The following CCDC157 variants were observed in gnomAD, a reference collection of about 807,000 sequenced individuals.
The protein encoded by CCDC157 is coiled-coil domain containing 157.
Under a neutral mutation model 70.9 loss-of-function variants are expected in CCDC157, and 60 were observed. The observed-to-expected ratio is 0.85, with a 90% CI of 0.69 to 1.05. The LOEUF is 1.05. Ranked by LOEUF, CCDC157 falls within the 50% of genes least tolerant of loss-of-function variation. The pLI, the probability that CCDC157 is intolerant of heterozygous loss-of-function variation, is 0.00. For synonymous variants in CCDC157, 373 were observed against 422.4 expected, an observed-to-expected ratio of 0.88 and a Z score of 1.43; for missense variants, 943 against 984.2, an observed-to-expected ratio of 0.96 and a Z score of 0.56.
intron 9 of CCDC157, 131 bp from the exon 10 acceptor site, chr22:30,375,348 G>T (rs1933274167): frequency 1.3e-6 from 1 of 779,500 alleles, no homozygotes; most frequent in Non-Finnish European, 2.1e-6. Context: ...GGACAGGGAA[G>T]GGGGAATAAG....
rs1933394974 is a variant in CCDC157 at position 30,376,719 on chromosome 22, C to T, written c.2233C>T (p.His745Tyr). The T allele has an allele frequency of 1.2e-6, 2 of 1,612,950 alleles. No homozygotes were observed. The highest frequency in any genetic ancestry group is 1.7e-6 in the Non-Finnish European group (2 of 1,179,836). ...SPGRGQASSAHQPQERPM is the reference protein window; with the variant it reads ...SPGRGQASSAYQPQERPM ...TGGCCGGGGACAGGCCAGCTCTGCACACCAGCCCCAGGAGCGGCCCATGTA... is the reference window on the plus strand; with the variant it reads ...TGGCCGGGGACAGGCCAGCTCTGCATACCAGCCCCAGGAGCGGCCCATGTA... Residue 745 changes from histidine to tyrosine, a missense_variant, in exon 12 of 12, where the codon CAC becomes TAC. Physicochemically the swap from His to Tyr is moderately conservative, Grantham distance 83 (BLOSUM62 2). Coordinates refer to ENST00000338306, the MANE Select transcript of CCDC157 (RefSeq NM_001017437.5).
rs537517437 is a variant in CCDC157 at position 30,378,162 on chromosome 22, G to A, written c.*1417G>A. 2 of 470,992 alleles carry A rather than the reference G, an allele frequency of 4.2e-6. No individual in the cohort carries two copies. Among genetic ancestry groups the A allele is most frequent in the Non-Finnish European group, 8.8e-6 (2 of 226,964 alleles). The allele number at this position is 470,992 out of a possible 1,614,324, so 29.2% of individuals were successfully genotyped here. ...CTCCATCTTCAAGTCAACAACAGAG[G>A]ATTTCTCATGTGCTGAATCCCCCAC... On this transcript the variant is annotated 3_prime_UTR_variant, in exon 12 of 12. Transcript: ENST00000338306.
rs757047865 is a variant in CCDC157, at chr22:30,372,262, C to T, written c.1311C>T (p.Val437=). The change falls in exon 7 of 12, where the codon GTC becomes GTT. Residue 437 remains valine, a synonymous_variant. Transcript: ENST00000338306. ...AGCTGGATAAGGAGAAGGCCCGTGT[C>T]GACAGCATGGTCCGCCACCAGGAGG... ...STELDKEKAR[V]DSMVRHQESL... 10 of 1,583,238 alleles carry T rather than the reference C, an allele frequency of 6.3e-6. No individual in the cohort carries two copies. The highest frequency in any genetic ancestry group is 2.3e-5 in the East Asian group (1 of 44,162).
chr22:30,375,036 G>GC (rs1933249784), intron 9 of CCDC157: 1 of 307,312 alleles, frequency 3.3e-6, no homozygotes, highest in Non-Finnish European at 6.2e-6. Context: ...TCTGCTCACT[G>GC]CAACCTCCAC....
chr22:30,358,642 G>A (rs1932111899), intron 1 of CCDC157, among the ~76,000 whole-genome samples: 1 of 152,250 alleles, frequency 6.6e-6, no homozygotes. Flanking sequence ...CTGAGAGAGA[G>A]AAGGCGCTTG....
At position 30,371,649 on chromosome 22, in the gene CCDC157, G is replaced by C. The variant is rs1601738470; in HGVS notation, c.1046-1G>C. 6.2e-7 allele frequency: 1 copy of C among 1,613,846 alleles called. No individual in the cohort carries two copies. The highest frequency in any genetic ancestry group is 1.3e-5 in the African/African-American group (1 of 75,074). ...AAGGGCCTCTCTCTTGGCTGCCATA[G>C]AAACAAGTGACCTAAAGACAAAGAT... On this transcript the variant is annotated splice_acceptor_variant, in intron 5 of 11. Coordinates refer to ENST00000338306, the MANE Select transcript of CCDC157 (RefSeq NM_001017437.5). LOFTEE classifies it high-confidence loss of function.
At chr22:30,375,962 C>T in intron 10 of CCDC157, 1 of 533,064 alleles carries the variant, frequency 1.9e-6, no homozygotes, top group Non-Finnish European at 3.3e-6. Flanking sequence ...CTGAGGCGGG[C>T]AGATCACTCG....
At chr22:30,371,912 A>C in intron 6 of CCDC157, 163 bp from the exon 7 acceptor site, 1 of 732,926 alleles carries the variant, frequency 1.4e-6, no homozygotes, top group Non-Finnish European at 2.2e-6. Flanking sequence ...CCTACCGAGA[A>C]AGCGCCTTCT....
At chr22:30,366,835 A>G (rs891943581) in intron 3 of CCDC157, 6 of 162,904 alleles carry the variant, frequency 3.7e-5, no homozygotes, top group African/African-American at 1.4e-4. Flanking sequence ...AGGCGGGTGC[A>G]TCACTTGAGG....
At chr22:30,374,361 C>T in intron 9 of CCDC157, 1 of 621,508 alleles carries the variant, frequency 1.6e-6, no homozygotes. Flanking sequence ...GTCTGGTTGT[C>T]CCCACAGCCT....
chr22:30,372,028 C>T (rs1417026823), intron 6 of CCDC157, 47 bp from the exon 7 acceptor site: 6 of 1,290,668 alleles, frequency 4.6e-6, no homozygotes, highest in Non-Finnish European at 6.5e-6. Context: ...TGAGGTAGTA[C>T]AGCGCTCCCC....
chr22:30,356,673 G>GT (rs1931867730), upstream of CCDC157: 2 of 1,324,408 alleles, frequency 1.5e-6, no homozygotes, highest in East Asian at 3.0e-5. Flanking sequence ...TCCTGTGCGA[G>GT]TAAGGAGCGC....
At chr22:30,373,860 C>T (rs1245118892) in intron 8 of CCDC157, 63 bp from the exon 9 acceptor site, 2 of 1,550,896 alleles carry the variant, frequency 1.3e-6, no homozygotes, top group Non-Finnish European at 1.7e-6. Flanking sequence ...GGGACGGTGC[C>T]CCAGGGCGCT....
chr22:30,357,825 A>C (rs1932023276), intron 1 of CCDC157, among the ~76,000 whole-genome samples: 1 of 150,862 alleles, frequency 6.6e-6, no homozygotes, highest in Admixed American at 6.6e-5. Context: ...CCAGTTTTTA[A>C]ATTTTTTTTT....
rs774416907 is a variant in CCDC157 at position 30,370,637 on chromosome 22, C to G, written c.732C>G (p.Ser244Arg). The change falls in exon 5 of 12, where the codon AGC becomes AGG. Residue 244 changes from serine to arginine, a missense_variant. By Grantham distance (110) the Ser-to-Arg change is moderately radical. Transcript: ENST00000338306. ...VGKVVISLCQ[S>R]QNLPSSLGQF... ...AGGTGGTCATCAGCCTGTGTCAGAG[C>G]CAGAACCTGCCCTCGTCCTTAGGCC... The G allele has an allele frequency of 1.2e-6, 2 of 1,614,078 alleles. No homozygotes were observed. Among genetic ancestry groups the G allele is most frequent in the South Asian group, 1.1e-5 (1 of 91,086 alleles).
At chr22:30,376,142 G>T in intron 10 of CCDC157, 117 bp from the exon 11 acceptor site, 1 of 868,978 alleles carries the variant, frequency 1.2e-6, no homozygotes, top group Non-Finnish European at 1.8e-6. Flanking sequence ...AGGTGAAAGG[G>T]CCCATGGATA....
chr22:30,365,123 G>T (rs1174534696), intron 2 of CCDC157, among the ~76,000 whole-genome samples: 1 of 152,202 alleles, frequency 6.6e-6, no homozygotes, highest in Non-Finnish European at 1.5e-5. Context: ...AGCCCAGAGG[G>T]ATTATCTAAG....
Position 30,366,065 on chromosome 22 carries a change from A to G in CCDC157, c.65A>G (p.Gln22Arg), listed in dbSNP as rs763539503. The G allele has an allele frequency of 3.7e-6, 6 of 1,608,738 alleles. No individual in the cohort carries two copies. The highest frequency in any genetic ancestry group is 5.1e-6 in the Non-Finnish European group (6 of 1,179,850). The change falls in exon 3 of 12, where the codon CAG becomes CGG. Residue 22 changes from glutamine (Q) to arginine (R), a missense_variant. Coordinates refer to ENST00000338306, the MANE Select transcript of CCDC157 (RefSeq NM_001017437.5). ...ESLRTDLTDL[Q>R]GAIVDVFSRA... The stretch of plus-strand genomic sequence containing the variant: ...CTGCGCACAGACCTCACCGACCTGC[A>G]GGGTGCCATCGTAGACGTCTTCTCC...
In CCDC157 at chr22:30,357,037, T is replaced by G; in HGVS notation, c.-261T>G. ...CAAGGCAGCGGCCTGAGCGCCCGGC[T>G]AGGGCTTTTCGGGGATCCCGGTGGC... On this transcript the variant is annotated 5_prime_UTR_variant, in exon 1 of 12. Coordinates refer to ENST00000338306, the MANE Select transcript of CCDC157 (RefSeq NM_001017437.5). 2.6e-6 allele frequency: 1 copy of G among 377,720 alleles called. No homozygotes were observed. 23.4% of individuals were successfully genotyped at this position (377,720 alleles called of 1,614,324 possible). A position where few individuals can be genotyped will look rare whatever the true frequency, so the allele number is the denominator to read the frequency against.
Sources: gnomAD v4.1 joint callset for allele counts (sites outside exome capture counted in the v4.1 genomes callset) on GRCh38, gnomAD v4.1.1 for gene constraint, MANE v1.5 for transcripts, NCBI Gene and HGNC (gene_info 2026-07-23, HGNC 2026-07-21) for gene names.